Variants in DIAPH2 observed in about 807,000 individuals in gnomAD.
DIAPH2 encodes diaphanous related formin 2.
A neutral mutation model predicts 92.7 loss-of-function variants in DIAPH2; 35 were observed. The observed-to-expected ratio is 0.38, with a 90% CI of 0.29 to 0.50. DIAPH2 has a LOEUF of 0.50. Among genes scored for constraint, DIAPH2 ranks in the 20% least tolerant of loss-of-function variants. The probability of loss-of-function intolerance (pLI) is 0.94; values close to 1 mark genes in which losing one functional copy is unlikely to be tolerated. For missense variants in DIAPH2, 701 were observed against 819.5 expected, an observed-to-expected ratio of 0.86 and a Z score of 1.77; for synonymous variants, 301 against 280.4, an observed-to-expected ratio of 1.07 and a Z score of -0.73.
intron 25 of DIAPH2, among the ~76,000 whole-genome samples, chrX:97,396,394 G>A (rs756889347): frequency 2.7e-5 from 3 of 111,023 alleles, no homozygotes; most frequent in Admixed American, 1.9e-4. Context: ...ACACTTGGCC[G>A]GGCGCAGTGG....
intron 4 of DIAPH2, among the ~76,000 whole-genome samples, chrX:96,844,455 A>C (rs932936721): frequency 1.8e-5 from 2 of 112,794 alleles, no homozygotes; most frequent in Non-Finnish European, 3.8e-5. Context: ...ATACCTTTAA[A>C]GTGAAATTAA....
chrX:97,192,161 G>T (rs370341977), intron 22 of DIAPH2, among the ~76,000 whole-genome samples: 3 of 108,381 alleles, frequency 2.8e-5, no homozygotes, highest in Non-Finnish European at 5.7e-5. Flanking sequence ...ATGGTGGCTC[G>T]CACCTGTAGG....
At chrX:97,426,455 A>T (rs919387311) in intron 25 of DIAPH2, among the ~76,000 whole-genome samples, 1 of 109,336 alleles carries the variant, frequency 9.1e-6, no homozygotes, top group Non-Finnish European at 1.9e-5. Flanking sequence ...CACCTGGCTA[A>T]TTTTTTTTAT....
At chrX:97,329,936 A>C (rs866427974) in intron 23 of DIAPH2, among the ~76,000 whole-genome samples, 23 of 75,218 alleles carry the variant, frequency 3.1e-4, no homozygotes, top group African/African-American at 1.1e-3. Flanking sequence ...ACACACACAC[A>C]CCCCACATGC....
At chrX:96,718,500 C>T (rs918690511) in intron 1 of DIAPH2, among the ~76,000 whole-genome samples, 6 of 107,209 alleles carry the variant, frequency 5.6e-5, no homozygotes, top group Admixed American at 2.0e-4. Flanking sequence ...ACTATAGGCG[C>T]GTGCCATCAT....
chrX:97,131,996 G>A (rs188505746), intron 21 of DIAPH2, among the ~76,000 whole-genome samples: 1 of 111,404 alleles, frequency 9.0e-6, no homozygotes, highest in East Asian at 2.8e-4. Flanking sequence ...AGGGGAGCAG[G>A]AAGGACAGGA....
At chrX:96,826,969 A>G (rs2064819958) in intron 4 of DIAPH2, among the ~76,000 whole-genome samples, 2 of 111,965 alleles carry the variant, frequency 1.8e-5, no homozygotes, top group African/African-American at 6.5e-5. Context: ...TGCTAGTTAT[A>G]GATTACTTAA....
intron 17 of DIAPH2, among the ~76,000 whole-genome samples, chrX:96,983,610 A>C (rs1313100848): frequency 9.0e-6 from 1 of 111,607 alleles, no homozygotes; most frequent in Non-Finnish European, 1.9e-5. Context: ...TATTTTTTTC[A>C]AAAGGCAAGT....
chrX:97,469,752 A>G (rs370691238), intron 26 of DIAPH2: 29 of 1,204,686 alleles, frequency 2.4e-5, no homozygotes, highest in Non-Finnish European at 3.3e-5. Flanking sequence ...AAACGGCCTG[A>G]GTGCTGTTTT....
intron 21 of DIAPH2, among the ~76,000 whole-genome samples, chrX:97,130,870 C>T (rs1477693302): frequency 9.0e-6 from 1 of 110,704 alleles, no homozygotes; most frequent in African/African-American, 3.3e-5. Flanking sequence ...TTTGAGAGGC[C>T]GAGGTGGGCG....
chrX:97,282,559 T>C (rs1472370825), intron 23 of DIAPH2, among the ~76,000 whole-genome samples: 1 of 111,925 alleles, frequency 8.9e-6, no homozygotes, highest in Non-Finnish European at 1.9e-5. Context: ...TTCGCCTGCC[T>C]TGGCCTCCCA....
At chrX:96,817,027 G>A (rs1021362514) in intron 4 of DIAPH2, among the ~76,000 whole-genome samples, 1 of 111,333 alleles carries the variant, frequency 9.0e-6, no homozygotes, top group African/African-American at 3.3e-5. Flanking sequence ...AAAAATCAAA[G>A]CATTTGGACT....
intron 3 of DIAPH2, among the ~76,000 whole-genome samples, chrX:96,746,500 CA>C (rs781250920): frequency 3.6e-5 from 4 of 110,874 alleles, no homozygotes; most frequent in African/African-American, 9.8e-5. Flanking sequence ...AGGATGAAAA[CA>C]ATACTCCTTC....
At chrX:97,078,594 A>G (rs1602325714) in intron 19 of DIAPH2, among the ~76,000 whole-genome samples, 1 of 112,104 alleles carries the variant, frequency 8.9e-6, no homozygotes, top group East Asian at 2.8e-4. Context: ...CTTCAAAATT[A>G]CAGTACTTAT....
chrX:97,570,107 TATATATATATATATATTAGA>T (rs2071357098), intron 26 of DIAPH2, among the ~76,000 whole-genome samples: 1 of 32,034 alleles, frequency 3.1e-5, no homozygotes, highest in African/African-American at 9.7e-5. Context: ...TATATATATA[TATATATATATATATATTAGA>T]AGATAGATAG....
intron 24 of DIAPH2, among the ~76,000 whole-genome samples, chrX:97,368,899 C>CTTTTTTTTTTT (rs386417287): frequency 2.3e-4 from 12 of 52,070 alleles, no homozygotes; most frequent in Admixed American, 3.5e-4. Flanking sequence ...TCTACCCTTT[C>CTTTTTTTTTTT]TTTTTTTTTT....
intron 5 of DIAPH2, among the ~76,000 whole-genome samples, chrX:96,902,365 C>T (rs908150241): frequency 4.5e-5 from 5 of 111,586 alleles, no homozygotes; most frequent in African/African-American, 1.6e-4. Flanking sequence ...TGGTCTGTCT[C>T]GTGCTGTCAG....
At chrX:97,154,697 T>C (rs1446145315) in intron 22 of DIAPH2, among the ~76,000 whole-genome samples, 2 of 111,736 alleles carry the variant, frequency 1.8e-5, no homozygotes, top group African/African-American at 3.3e-5. Context: ...ACATCTTTAT[T>C]TAACGCTATT....
At chrX:97,407,398 G>GA (rs1226226370) in intron 25 of DIAPH2, among the ~76,000 whole-genome samples, 34 of 106,586 alleles carry the variant, frequency 3.2e-4, no homozygotes, top group East Asian at 5.8e-4. Flanking sequence ...CCACATAGAG[G>GA]AAAAAAAAAA....
Sources: gnomAD v4.1 joint callset for allele counts (sites outside exome capture counted in the v4.1 genomes callset) on GRCh38, gnomAD v4.1.1 for gene constraint, MANE v1.5 for transcripts, NCBI Gene and HGNC (gene_info 2026-07-23, HGNC 2026-07-21) for gene names.